Variants in MYO3A observed in about 807,000 individuals in gnomAD.
The protein encoded by MYO3A is myosin-IIIa.
MYO3A carries 180 observed loss-of-function variants against 192.7 expected under a neutral mutation model. The observed-to-expected ratio is 0.93, with a 90% confidence interval of 0.83 to 1.06. MYO3A has a LOEUF of 1.06. Ranked by LOEUF, MYO3A falls within the 50% of genes least tolerant of loss-of-function variation. The pLI is 0.00. For missense variants in MYO3A, 1,896 were observed against 1,905.0 expected (o/e 1.00, Z 0.09); for synonymous variants, 628 against 645.3 (o/e 0.97, Z 0.41).
intron 6 of MYO3A, among the ~76,000 whole-genome samples, chr10:26,009,853 G>A (rs1841508975): frequency 1.3e-5 from 2 of 152,192 alleles, no homozygotes; most frequent in South Asian, 4.2e-4. Context: ...AGAACTTTAA[G>A]TTAATAGAAA....
chr10:26,154,133 T>C (rs115929922), intron 24 of MYO3A, among the ~76,000 whole-genome samples: 2 of 152,178 alleles, frequency 1.3e-5, no homozygotes, highest in African/African-American at 4.8e-5. Context: ...TATTAATATT[T>C]CCAACTCTTC....
At position 26,066,864 on chromosome 10, in the gene MYO3A, T is replaced by G. The variant is rs910980621; in HGVS notation, c.954-111T>G. On this transcript the variant is annotated intron_variant, in intron 10 of 34. Transcript: ENST00000642920. ...AGGCTATTTTCTGGTATCTTATCAT[T>G]GAATTTAATAAACAGATTCCTAGAG... 4 of 724,988 alleles carry G rather than the reference T, an allele frequency of 5.5e-6. No individual in the cohort carries two copies. The Admixed American group carries it at 8.6e-5, about 16-fold the overall frequency. 44.9% of individuals were successfully genotyped at this position (724,988 alleles called of 1,614,324 possible).
chr10:26,158,008 A>T (rs1468995939), intron 26 of MYO3A, among the ~76,000 whole-genome samples: 1 of 152,126 alleles, frequency 6.6e-6, no homozygotes, highest in East Asian at 1.9e-4. Flanking sequence ...TCCCCACAAC[A>T]AAGAATTATC....
intron 14 of MYO3A, among the ~76,000 whole-genome samples, chr10:26,086,091 C>G (rs1212826753): frequency 6.6e-6 from 1 of 152,090 alleles, no homozygotes; most frequent in African/African-American, 2.4e-5. Flanking sequence ...AAAGAACTAC[C>G]TGAGACTGGG....
chr10:26,059,744 G>A (rs1188395881), intron 10 of MYO3A, among the ~76,000 whole-genome samples: 1 of 152,152 alleles, frequency 6.6e-6, no homozygotes, highest in Non-Finnish European at 1.5e-5. Context: ...CTCATTGATT[G>A]TACAACCTGG....
chr10:26,063,843 G>A (rs149537837), intron 10 of MYO3A, among the ~76,000 whole-genome samples: 7 of 152,286 alleles, frequency 4.6e-5, no homozygotes, highest in Admixed American at 3.9e-4. Flanking sequence ...GTGTAAAAGC[G>A]TATTTTCTGG....
chr10:26,188,655 A>C (rs1452208050), intron 31 of MYO3A, among the ~76,000 whole-genome samples: 1 of 152,180 alleles, frequency 6.6e-6, no homozygotes, highest in East Asian at 1.9e-4. Flanking sequence ...TCTTGAATTA[A>C]TTTTAGTATA....
Position 26,147,791 on chromosome 10 carries a change from TGTG to T in MYO3A, c.2635+238_2635+240del, listed in dbSNP as rs1412471271. Among the ~76,000 whole-genome samples, 11 of 152,270 alleles carry T rather than the reference TGTG, an allele frequency of 7.2e-5. 1 individual carries two copies. The highest frequency in any genetic ancestry group is 2.6e-4 in the African/African-American group (11 of 41,552). On this transcript the variant is annotated intron_variant, in intron 23 of 34. Transcript: ENST00000642920. Reference sequence around the variant, plus strand: ...GTGTTTGCAGCAGTCATGCAGAAAATGTGGTGGTATCCTAGCTACTCACTACAA... The same window carrying T: ...GTGTTTGCAGCAGTCATGCAGAAAATGTGGTATCCTAGCTACTCACTACAA...
intron 13 of MYO3A, 51 bp downstream of exon 13, chr10:26,070,266 T>C (rs1835124892): frequency 6.4e-7 from 1 of 1,563,364 alleles, no homozygotes; most frequent in Non-Finnish European, 8.7e-7. Context: ...TACTTAAATG[T>C]CACTTAATTT....
intron 6 of MYO3A, among the ~76,000 whole-genome samples, chr10:26,008,771 C>G (rs1197616054): frequency 2.6e-5 from 4 of 151,856 alleles, no homozygotes; most frequent in Non-Finnish European, 5.9e-5. Context: ...CACTTTCACA[C>G]TGTTGGTGGG....
chr10:25,961,722 A>G (rs1837941448), intron 4 of MYO3A, among the ~76,000 whole-genome samples: 1 of 152,210 alleles, frequency 6.6e-6, no homozygotes, highest in South Asian at 2.1e-4. Flanking sequence ...CTAATCACAT[A>G]TACACATAAG....
intron 6 of MYO3A, among the ~76,000 whole-genome samples, chr10:26,014,641 T>G (rs931140470): frequency 6.6e-6 from 1 of 151,938 alleles, no homozygotes; most frequent in Non-Finnish European, 1.5e-5. Flanking sequence ...AAAATAGCCA[T>G]GGCCCTCCCA....
chr10:26,170,532 A>C lies in MYO3A; in HGVS notation c.3391A>C (p.Asn1131His). 1.9e-6 allele frequency: 3 copies of C among 1,610,630 alleles called. No homozygotes were observed. The highest frequency in any genetic ancestry group is 2.5e-6 in the Non-Finnish European group (3 of 1,178,236). The change falls in exon 29 of 35, where the codon AAT (asparagine) becomes CAT (histidine). Residue 1131 changes from asparagine to histidine, a missense_variant. By Grantham distance (68) the Asn-to-His change is moderately conservative. Coordinates refer to ENST00000642920, the MANE Select transcript of MYO3A (RefSeq NM_017433.5). ...QEFDYKKNFENTRESFVKKQA... is the reference protein window; with the variant it reads ...QEFDYKKNFEHTRESFVKKQA... ...ATTCGACTACAAGAAAAACTTTGAA[A>C]ATACAAGGTATAATGATGTTCATTC...
chr10:25,989,858 GC>G (rs1212796413), intron 4 of MYO3A, among the ~76,000 whole-genome samples: 1 of 152,056 alleles, frequency 6.6e-6, no homozygotes, highest in East Asian at 1.9e-4. Flanking sequence ...AAAGGAGGAG[GC>G]CCCGTATGTC....
At chr10:25,980,124 C>G (rs1321128547) in intron 4 of MYO3A, among the ~76,000 whole-genome samples, 1 of 151,878 alleles carries the variant, frequency 6.6e-6, no homozygotes, top group Non-Finnish European at 1.5e-5. Flanking sequence ...GTAGTCCCAG[C>G]TACTCGGGAG....
rs1842167510 is a variant in MYO3A at position 26,173,700 on chromosome 10, T to C, written c.3436T>C (p.Ser1146Pro). The change falls in exon 30 of 35, where the codon TCT (serine) becomes CCT (proline). Residue 1146 changes from serine (S) to proline (P), a missense_variant. By Grantham distance (74) the Ser-to-Pro change is moderately conservative (BLOSUM62 -1). Transcript: ENST00000642920. Reference protein sequence around the residue: ...FVKKQAENAISANERFISAPN... With the variant: ...FVKKQAENAIPANERFISAPN... The stretch of plus-strand genomic sequence containing the variant: ...GAAGAAACAAGCAGAAAATGCAATC[T>C]CTGCTAATGAAAGATTCATTTCAGC... The C allele has an allele frequency of 1.2e-6, 2 of 1,613,932 alleles. No individual in the cohort carries two copies. The highest frequency in any genetic ancestry group is 2.7e-5 in the African/African-American group (2 of 75,044).
intron 10 of MYO3A, among the ~76,000 whole-genome samples, chr10:26,034,206 T>C (rs1842926976): frequency 6.6e-6 from 1 of 152,250 alleles, no homozygotes; most frequent in Non-Finnish European, 1.5e-5. Context: ...CTTTAAAATA[T>C]GGTATTTTTT....
At chr10:25,988,427 A>G (rs1233453114) in intron 4 of MYO3A, among the ~76,000 whole-genome samples, 1 of 152,208 alleles carries the variant, frequency 6.6e-6, no homozygotes, top group Non-Finnish European at 1.5e-5. Context: ...ACACCTCACA[A>G]TGTCAAGTGC....
At chr10:26,149,392 G>A (rs1280030081) in intron 23 of MYO3A, among the ~76,000 whole-genome samples, 12 of 151,760 alleles carry the variant, frequency 7.9e-5, no homozygotes, top group Non-Finnish European at 1.8e-4. Context: ...GCACCACCAC[G>A]CCCAACTAAT....
Sources: gnomAD v4.1 joint callset for allele counts (sites outside exome capture counted in the v4.1 genomes callset) on GRCh38, gnomAD v4.1.1 for gene constraint, MANE v1.5 for transcripts, NCBI Gene and HGNC (gene_info 2026-07-23, HGNC 2026-07-21) for gene names.